CLSTN2: variants seen among roughly 807,000 people sequenced by gnomAD.
CLSTN2 encodes the protein calsyntenin 2, also known as calsyntenin-2.
A neutral mutation model predicts 101.2 loss-of-function variants in CLSTN2; 48 were observed. The observed-to-expected ratio is 0.47, with a 90% CI of 0.38 to 0.60. The LOEUF (loss-of-function observed/expected upper bound fraction) is 0.60. CLSTN2 is among the 20% of genes least tolerant of loss of function. The probability of loss-of-function intolerance (pLI) is 0.00; values close to 1 mark genes in which losing one functional copy is unlikely to be tolerated. For synonymous variants in CLSTN2, 481 were observed against 463.6 expected, an observed-to-expected ratio of 1.04 and a Z score of -0.48; for missense variants, 1,160 against 1,238.2, an observed-to-expected ratio of 0.94 and a Z score of 0.95.
At chr3:140,296,238 T>C (rs143780447) in intron 2 of CLSTN2, among the ~76,000 whole-genome samples, 1 of 152,360 alleles carries the variant, frequency 6.6e-6, no homozygotes, top group Non-Finnish European at 1.5e-5. Context: ...TTCTTGAAGA[T>C]GATCTTTAGA....
chr3:140,234,708 T>A (rs144451931), intron 2 of CLSTN2, among the ~76,000 whole-genome samples: 156 of 152,322 alleles, frequency 1.0e-3, no homozygotes, highest in Admixed American at 2.3e-3. Context: ...AATGCCTACG[T>A]GAGAAGATCA....
rs1433623246 is a variant in CLSTN2, at chr3:140,576,917, T to C, written c.*10664T>C. The C allele has an allele frequency of 6.6e-6, 1 of 152,256 alleles. No homozygotes were observed. Among genetic ancestry groups the C allele is most frequent in the Admixed American group, 6.5e-5 (1 of 15,292 alleles). 9.4% of individuals were successfully genotyped at this position (152,256 alleles called of 1,614,324 possible). A position where few individuals can be genotyped will look rare whatever the true frequency, so the allele number is the denominator to read the frequency against. On this transcript the variant is annotated 3_prime_UTR_variant, in exon 17 of 17. Transcript: ENST00000458420. Reference sequence around the variant, plus strand: ...CTTTGGAGTATCTCATTAGAAGGACTGTATGAATTTATAGAAAATTGAATC... The same window carrying C: ...CTTTGGAGTATCTCATTAGAAGGACCGTATGAATTTATAGAAAATTGAATC...
chr3:140,491,002 GA>G (rs1934343848), intron 8 of CLSTN2, among the ~76,000 whole-genome samples: 1 of 152,214 alleles, frequency 6.6e-6, no homozygotes, highest in Non-Finnish European at 1.5e-5. Flanking sequence ...TGTTCATTAA[GA>G]AGATTTTAGC....
At chr3:140,415,815 G>C (rs182581737) in intron 4 of CLSTN2, among the ~76,000 whole-genome samples, 1 of 152,226 alleles carries the variant, frequency 6.6e-6, no homozygotes, top group Non-Finnish European at 1.5e-5. Context: ...ATTATGAATA[G>C]AACTACCATA....
chr3:140,057,295 C>T (rs2008115672), intron 1 of CLSTN2, among the ~76,000 whole-genome samples: 1 of 152,182 alleles, frequency 6.6e-6, no homozygotes, highest in African/African-American at 2.4e-5. Context: ...CTACTGATGC[C>T]AGGTTGAAAA....
At chr3:140,170,976 A>G (rs2010203172) in intron 1 of CLSTN2, among the ~76,000 whole-genome samples, 2 of 152,242 alleles carry the variant, frequency 1.3e-5, no homozygotes, top group Admixed American at 1.3e-4. Flanking sequence ...TCTAATTTAG[A>G]CCATTTAGAT....
At chr3:140,278,887 T>C (rs532462796) in intron 2 of CLSTN2, among the ~76,000 whole-genome samples, 107 of 152,038 alleles carry the variant, frequency 7.0e-4, no homozygotes, top group African/African-American at 2.4e-3. Flanking sequence ...GCCTGGCTAA[T>C]GGTTTTAATT....
chr3:140,423,127 C>A (rs1043808581), intron 5 of CLSTN2, among the ~76,000 whole-genome samples: 1 of 152,154 alleles, frequency 6.6e-6, no homozygotes, highest in Non-Finnish European at 1.5e-5. Flanking sequence ...AAATGAGGCA[C>A]CTACAGATGT....
Position 140,164,401 on chromosome 3 carries a change from C to T in CLSTN2, c.110-11550C>T, listed in dbSNP as rs750148043. 4.6e-5 allele frequency among the ~76,000 whole-genome samples: 7 copies of T among 152,112 alleles called. 1 individual carries two copies. Among genetic ancestry groups the T allele is most frequent in the African/African-American group, 1.7e-4 (7 of 41,422 alleles). On this transcript the variant is annotated intron_variant, in intron 1 of 16. Coordinates refer to ENST00000458420, the MANE Select transcript of CLSTN2 (RefSeq NM_022131.3). ...AGAACTGAAAACCTTTGCTGGCAAC[C>T]TATAAAGTGCTAGTCACCAATGAGC... is the stretch of plus-strand genomic sequence containing the variant.
In CLSTN2 at chr3:139,958,708, G is replaced by C. The variant is rs144506474; in HGVS notation, c.109+23225G>C. 1.9e-3 allele frequency among the ~76,000 whole-genome samples: 294 copies of C among 151,684 alleles called. 1 individual carries two copies. The highest frequency in any genetic ancestry group is 3.8e-3 in the Admixed American group (57 of 15,170). On this transcript the variant is annotated intron_variant, in intron 1 of 16. Transcript: ENST00000458420. Reference sequence around the variant, plus strand: ...GGATTTGACGACAGTCTTATGCAAAGAAAACCCCACATGTCTGGAACAATA... The same window carrying C: ...GGATTTGACGACAGTCTTATGCAAACAAAACCCCACATGTCTGGAACAATA...
chr3:139,979,767 T>G (rs536553752), intron 1 of CLSTN2, among the ~76,000 whole-genome samples: 6 of 152,210 alleles, frequency 3.9e-5, no homozygotes, highest in Admixed American at 2.0e-4. Flanking sequence ...CTCTGCTTTC[T>G]GCTGTATCAC....
chr3:140,398,599 C>T (rs1272219365), intron 2 of CLSTN2, among the ~76,000 whole-genome samples: 3 of 152,202 alleles, frequency 2.0e-5, no homozygotes, highest in African/African-American at 4.8e-5. Flanking sequence ...ACATCACACT[C>T]ACCCAGTAAG....
chr3:140,046,105 T>C (rs4683790), intron 1 of CLSTN2, among the ~76,000 whole-genome samples: 151,331 of 152,284 alleles, frequency 0.99, 75,199 homozygotes, highest in Middle Eastern at 1. Flanking sequence ...CTAATATTGA[T>C]AGTGGGGTGT....
At chr3:140,401,067 G>C (rs2088236079) in intron 2 of CLSTN2, among the ~76,000 whole-genome samples, 1 of 152,146 alleles carries the variant, frequency 6.6e-6, no homozygotes, top group South Asian at 2.1e-4. Context: ...GCCAGCGCTG[G>C]GTCTATTTTT....
chr3:140,415,486 C>CAAAA (rs751616049), intron 4 of CLSTN2, among the ~76,000 whole-genome samples: 1,024 of 56,492 alleles, frequency 0.018, 1 homozygote, highest in East Asian at 0.04. Context: ...CACAAAATAG[C>CAAAA]AAAAAAAAAA....
chr3:140,558,868 A>G lies in CLSTN2; in HGVS notation c.2041+11A>G, dbSNP rs376409272. The G allele has an allele frequency of 6.2e-7, 1 of 1,610,846 alleles. No individual in the cohort carries two copies. Among genetic ancestry groups the G allele is most frequent in the African/African-American group, 1.3e-5 (1 of 74,928 alleles). ...ACGTGAAAACCACAGGTACAGGTGC[A>G]TTTGAGTTTGTGGGGAGGGTGGACC... On this transcript the variant is annotated intron_variant, in intron 12 of 16. Coordinates refer to ENST00000458420, the MANE Select transcript of CLSTN2 (RefSeq NM_022131.3).
chr3:140,001,662 A>G (rs138396112), intron 1 of CLSTN2, among the ~76,000 whole-genome samples: 371 of 152,026 alleles, frequency 2.4e-3, no homozygotes, highest in African/African-American at 8.7e-3. Flanking sequence ...ATGTACAATT[A>G]AATTATTGAC....
At chr3:140,132,372 C>G (rs1041517131) in intron 1 of CLSTN2, among the ~76,000 whole-genome samples, 2 of 152,052 alleles carry the variant, frequency 1.3e-5, no homozygotes, top group Admixed American at 1.3e-4. Context: ...CATACATCTT[C>G]CAAAAATATT....
At chr3:140,538,092 A>T (rs200475480) in intron 9 of CLSTN2, among the ~76,000 whole-genome samples, 2 of 101,088 alleles carry the variant, frequency 2.0e-5, no homozygotes, top group South Asian at 5.0e-4. Context: ...CAAAGCTACC[A>T]CCCTGCTCCT....
Sources: gnomAD v4.1 joint callset for allele counts (sites outside exome capture counted in the v4.1 genomes callset) on GRCh38, gnomAD v4.1.1 for gene constraint, MANE v1.5 for transcripts, NCBI Gene and HGNC (gene_info 2026-07-23, HGNC 2026-07-21) for gene names.